ANKS1B: variants seen among roughly 807,000 people sequenced by gnomAD.
The protein encoded by ANKS1B is ankyrin repeat and sterile alpha motif domain-containing protein 1B.
ANKS1B carries 36 observed loss-of-function variants against 148.3 expected under a neutral mutation model. That is an observed-to-expected ratio of 0.24 (90% CI 0.19 to 0.32). The LOEUF is 0.32. Among genes scored for constraint, ANKS1B ranks in the 10% least tolerant of loss-of-function variants. The pLI is 1.00. For missense variants in ANKS1B, 1,157 were observed against 1,542.6 expected, an observed-to-expected ratio of 0.75 and a Z score of 4.19; for synonymous variants, 542 against 560.8, an observed-to-expected ratio of 0.97 and a Z score of 0.47.
At chr12:99,832,647 C>A (rs1481228757) in intron 1 of ANKS1B, among the ~76,000 whole-genome samples, 1 of 151,442 alleles carries the variant, frequency 6.6e-6, no homozygotes, top group Non-Finnish European at 1.5e-5. Context: ...TCACTTGAAC[C>A]CAGGAGGCAG....
At chr12:98,784,662 C>A (rs1030723731) in intron 22 of ANKS1B, among the ~76,000 whole-genome samples, 12 of 152,210 alleles carry the variant, frequency 7.9e-5, no homozygotes. Context: ...AAAGCTGGAA[C>A]AACAGGCAGG....
intron 12 of ANKS1B, among the ~76,000 whole-genome samples, chr12:99,387,460 C>T (rs568921402): frequency 6.6e-6 from 1 of 152,164 alleles, no homozygotes; most frequent in African/African-American, 2.4e-5. Context: ...TACTAAAATA[C>T]AAAAAATTAG....
At chr12:99,709,582 A>G (rs913857346) in intron 8 of ANKS1B, among the ~76,000 whole-genome samples, 2 of 152,158 alleles carry the variant, frequency 1.3e-5, no homozygotes, top group Non-Finnish European at 2.9e-5. Flanking sequence ...TTTGCCAGCT[A>G]GCAAGTGGTA....
In ANKS1B at chr12:98,884,756, G is replaced by A. The variant is rs556331863; in HGVS notation, c.2779-52620C>T. On this transcript the variant is annotated intron_variant, in intron 17 of 26. Coordinates refer to ENST00000683438, the MANE Select transcript of ANKS1B (RefSeq NM_001352186.2). ...GGAGCTTGCAGTGAGCTGAGATTGC[G>A]CCACTGCAGTCCGCAGTCCGACCTG... 2.1e-4 allele frequency among the ~76,000 whole-genome samples: 29 copies of A among 140,838 alleles called. No homozygotes were observed. The East Asian group carries it at 3.9e-3, about 19-fold the overall frequency. 92.4% of individuals were successfully genotyped at this position (140,838 alleles called of 152,430 possible).
At chr12:99,486,196 T>C (rs1476924429) in intron 10 of ANKS1B, among the ~76,000 whole-genome samples, 1 of 151,718 alleles carries the variant, frequency 6.6e-6, no homozygotes, top group East Asian at 1.9e-4. Context: ...GATTTGACTG[T>C]GTTTTTTTTT....
chr12:99,276,367 C>A (rs2153993856), intron 12 of ANKS1B, among the ~76,000 whole-genome samples: 1 of 152,070 alleles, frequency 6.6e-6, no homozygotes, highest in South Asian at 2.1e-4. Flanking sequence ...GGATATAGGC[C>A]CTTTAAAGTG....
chr12:99,062,918 C>T (rs2042913598), intron 16 of ANKS1B, among the ~76,000 whole-genome samples: 1 of 152,130 alleles, frequency 6.6e-6, no homozygotes, highest in Admixed American at 6.5e-5. Flanking sequence ...AGGGTGAATA[C>T]TCTGTGTTAA....
chr12:99,731,631 C>T (rs1210732093), intron 8 of ANKS1B, among the ~76,000 whole-genome samples: 1 of 152,092 alleles, frequency 6.6e-6, no homozygotes, highest in Non-Finnish European at 1.5e-5. Flanking sequence ...AAATGAAACT[C>T]AACCTTTCCT....
At chr12:99,022,164 T>A (rs2099946186) in intron 17 of ANKS1B, among the ~76,000 whole-genome samples, 1 of 152,196 alleles carries the variant, frequency 6.6e-6, no homozygotes. Context: ...TGTTTTGCCA[T>A]GTGACGGACT....
At chr12:99,763,952 A>G (rs1443923864) in intron 8 of ANKS1B, among the ~76,000 whole-genome samples, 1 of 152,228 alleles carries the variant, frequency 6.6e-6, no homozygotes. Context: ...AGTCAATAAT[A>G]TAGTTTACAG....
chr12:99,479,435 T>C, intron 10 of ANKS1B, among the ~76,000 whole-genome samples: 1 of 152,040 alleles, frequency 6.6e-6, no homozygotes. Flanking sequence ...TAAAGCTTTC[T>C]TCAAATTTGT....
chr12:98,776,570 G>A (rs748878783), intron 24 of ANKS1B, among the ~76,000 whole-genome samples: 3 of 152,206 alleles, frequency 2.0e-5, no homozygotes, highest in South Asian at 2.1e-4. Context: ...TGCTGGTAGG[G>A]GTAGGACAGG....
intron 1 of ANKS1B, among the ~76,000 whole-genome samples, chr12:99,977,797 C>T (rs149493539): frequency 6.6e-6 from 1 of 152,154 alleles, no homozygotes; most frequent in East Asian, 1.9e-4. Context: ...AAGATAGAAG[C>T]GTCTTCTTTG....
intron 1 of ANKS1B, among the ~76,000 whole-genome samples, chr12:99,832,682 C>T (rs1382985855): frequency 6.6e-6 from 1 of 151,258 alleles, no homozygotes. Context: ...CGAGATCAGG[C>T]CACTGTACTC....
chr12:99,796,960 C>G (rs1273584633), intron 4 of ANKS1B, among the ~76,000 whole-genome samples: 3 of 151,818 alleles, frequency 2.0e-5, no homozygotes, highest in African/African-American at 7.2e-5. Flanking sequence ...AAAAATGAAT[C>G]TGTTTTTACA....
chr12:98,802,594 C>CTTTT lies in ANKS1B; in HGVS notation c.3142-1473_3142-1470dup, dbSNP rs397850118. On this transcript the variant is annotated intron_variant, in intron 20 of 26. Coordinates refer to ENST00000683438, the MANE Select transcript of ANKS1B (RefSeq NM_001352186.2). ...CTAGAGGACTTCAGTAATGCACAGG[C>CTTTT]TTTTTTTTTTTTTTTTTTTTTTTTT... 6.9e-4 allele frequency among the ~76,000 whole-genome samples: 24 copies of CTTTT among 34,790 alleles called. 7 individuals are homozygous for CTTTT. Among genetic ancestry groups the CTTTT allele is most frequent in the East Asian group, 1.2e-3 (1 of 832 alleles). 22.8% of individuals were successfully genotyped at this position (34,790 alleles called of 152,430 possible).
chr12:99,422,862 T>C (rs1165645451), intron 11 of ANKS1B, among the ~76,000 whole-genome samples: 1 of 152,144 alleles, frequency 6.6e-6, no homozygotes, highest in Non-Finnish European at 1.5e-5. Context: ...GAGTAAAAAT[T>C]TCCTACAAAG....
At chr12:99,582,798 C>G (rs2097583517) in intron 9 of ANKS1B, among the ~76,000 whole-genome samples, 2 of 151,914 alleles carry the variant, frequency 1.3e-5, no homozygotes, top group African/African-American at 4.8e-5. Context: ...AATTGTATAA[C>G]TACAATTCAT....
intron 15 of ANKS1B, among the ~76,000 whole-genome samples, chr12:99,119,372 A>C (rs1352589675): frequency 6.6e-6 from 1 of 152,160 alleles, no homozygotes; most frequent in South Asian, 2.1e-4. Flanking sequence ...ATTTTGCCCA[A>C]GTGATACTTA....
Sources: gnomAD v4.1 joint callset for allele counts (sites outside exome capture counted in the v4.1 genomes callset) on GRCh38, gnomAD v4.1.1 for gene constraint, MANE v1.5 for transcripts, NCBI Gene and HGNC (gene_info 2026-07-23, HGNC 2026-07-21) for gene names.